GNPAT: variants seen among roughly 807,000 people sequenced by gnomAD.
GNPAT encodes the protein glyceronephosphate O-acyltransferase.
A neutral mutation model predicts 78.4 loss-of-function variants in GNPAT; 30 were observed. The ratio of observed to expected loss-of-function variants is 0.38; its 90% CI spans 0.29 to 0.52. GNPAT has a LOEUF of 0.52. GNPAT is among the 20% of genes least tolerant of loss of function. The pLI is 0.84. For missense variants in GNPAT, 714 were observed against 812.2 expected (o/e 0.88, Z 1.47); for synonymous variants, 271 against 281.1 (o/e 0.96, Z 0.36).
chr1:231,261,198 G>A (rs1685213233), intron 3 of GNPAT, among the ~76,000 whole-genome samples: 1 of 152,164 alleles, frequency 6.6e-6, no homozygotes, highest in South Asian at 2.1e-4. Flanking sequence ...GTCCTGTCTA[G>A]CTAAAGAAAA....
intron 2 of GNPAT, among the ~76,000 whole-genome samples, chr1:231,252,104 C>T (rs988311079): frequency 6.6e-6 from 1 of 152,186 alleles, no homozygotes; most frequent in Non-Finnish European, 1.5e-5. Flanking sequence ...ACACAATCGG[C>T]TAATGTTTTA....
chr1:231,243,310 T>G (rs1176292954), intron 1 of GNPAT, among the ~76,000 whole-genome samples: 1 of 152,126 alleles, frequency 6.6e-6, no homozygotes, highest in African/African-American at 2.4e-5. Context: ...CTGATCTTCC[T>G]TTTTTGTTTT....
chr1:231,246,007 G>T (rs554192823), intron 1 of GNPAT, among the ~76,000 whole-genome samples: 1 of 152,076 alleles, frequency 6.6e-6, no homozygotes, highest in Admixed American at 6.6e-5. Flanking sequence ...GTAAATTTAC[G>T]ATTAAATCCT....
intron 9 of GNPAT, among the ~76,000 whole-genome samples, chr1:231,270,287 G>A (rs900879845): frequency 2.6e-5 from 4 of 152,156 alleles, no homozygotes; most frequent in Non-Finnish European, 4.4e-5. Flanking sequence ...TACCATTTTA[G>A]TATGGGTCTA....
chr1:231,270,929 A>G lies in GNPAT; in HGVS notation c.1451A>G (p.Gln484Arg), dbSNP rs779383706. The change falls in exon 10 of 16, where the codon CAG becomes CGG. Residue 484 changes from glutamine to arginine, a missense_variant. Coordinates refer to ENST00000366647, the MANE Select transcript of GNPAT (RefSeq NM_014236.4). ...CTCATGTGCTCAGCTTATAGGAACC[A>G]GCTGCTCAACATTTTTGTGCGCCCA... ...TLLMCSAYRN[Q>R]LLNIFVRPSL... is the part of the protein sequence containing the mutation. The G allele has an allele frequency of 1.7e-5, 27 of 1,614,022 alleles. No homozygotes were observed. The highest frequency in any genetic ancestry group is 2.3e-5 in the Non-Finnish European group (27 of 1,179,968).
intron 1 of GNPAT, among the ~76,000 whole-genome samples, chr1:231,247,650 AAG>A (rs1242795493): frequency 6.6e-6 from 1 of 152,196 alleles, no homozygotes; most frequent in East Asian, 1.9e-4. Context: ...TTCTTCATAA[AAG>A]AGACTGTCTC....
At chr1:231,270,208 G>A (rs1685518984) in intron 9 of GNPAT, among the ~76,000 whole-genome samples, 1 of 152,204 alleles carries the variant, frequency 6.6e-6, no homozygotes, top group Non-Finnish European at 1.5e-5. Flanking sequence ...CAGGTGATAA[G>A]CTACCAACTG....
Position 231,260,472 on chromosome 1 carries a change from G to C in GNPAT, c.262-35G>C, listed in dbSNP as rs745856097. 4.7e-6 allele frequency: 7 copies of C among 1,476,688 alleles called. No homozygotes were observed. The East Asian group carries it at 1.4e-4, about 29-fold the overall frequency. The allele number at this position is 1,476,688 out of a possible 1,614,324, so 91.5% of individuals were successfully genotyped here. ...GCTTTCTGACTTTTCTGTTATTGTT[G>C]TTAGAAATTATTCCTGCTTTTCCTT... On this transcript the variant is annotated intron_variant, in intron 2 of 15. Coordinates refer to ENST00000366647, the MANE Select transcript of GNPAT (RefSeq NM_014236.4).
chr1:231,275,331 G>A lies in GNPAT; in HGVS notation c.1843+11G>A. On this transcript the variant is annotated intron_variant, in intron 13 of 15. Transcript: ENST00000366647. ...AGCTTCTCGATCAAGGTCAGTCACT[G>A]CTCTGTGGGTGCTGATTTCTTTTAG... is the stretch of plus-strand genomic sequence containing the variant. 6.3e-7 allele frequency: 1 copy of A among 1,593,642 alleles called. No individual in the cohort carries two copies. Among genetic ancestry groups the A allele is most frequent in the Non-Finnish European group, 8.6e-7 (1 of 1,161,214 alleles).
intron 4 of GNPAT, among the ~76,000 whole-genome samples, chr1:231,264,073 A>G (rs1001779645): frequency 3.3e-5 from 5 of 152,138 alleles, no homozygotes; most frequent in African/African-American, 1.2e-4. Flanking sequence ...TATTTGATGC[A>G]TGGAAGTTTT....
At chr1:231,250,329 G>T (rs1684859019) in intron 1 of GNPAT, among the ~76,000 whole-genome samples, 3 of 152,052 alleles carry the variant, frequency 2.0e-5, no homozygotes, top group African/African-American at 4.8e-5. Context: ...TACTCGAGAG[G>T]CTGAGGCAGG....
intron 3 of GNPAT, among the ~76,000 whole-genome samples, chr1:231,261,570 A>G (rs1685226313): frequency 6.6e-6 from 1 of 152,088 alleles, no homozygotes; most frequent in South Asian, 2.1e-4. Context: ...TCTCTGCTGT[A>G]AAGTTATTAT....
intron 15 of GNPAT, among the ~76,000 whole-genome samples, chr1:231,277,176 C>T (rs926440327): frequency 1.3e-5 from 2 of 152,326 alleles, no homozygotes; most frequent in East Asian, 1.9e-4. Flanking sequence ...ACAAACACCT[C>T]GCCCTGTGAG....
At chr1:231,255,586 GCTTT>G (rs1302419631) in intron 2 of GNPAT, among the ~76,000 whole-genome samples, 4 of 152,026 alleles carry the variant, frequency 2.6e-5, no homozygotes, top group Non-Finnish European at 5.9e-5. Context: ...ACCATGCCCA[GCTTT>G]TTTTGTTTTG....
chr1:231,241,412 T>C lies in GNPAT; in HGVS notation c.34T>C (p.Ser12Pro). 6.2e-7 allele frequency: 1 copy of C among 1,613,940 alleles called. No homozygotes were observed. Among genetic ancestry groups the C allele is most frequent in the South Asian group, 1.1e-5 (1 of 91,070 alleles). ...ESSSSSNSYF[S>P]VGPTSPSAVV... ...TTCCAGTTCATCTAACTCTTATTTCTCCGTTGGCCCAACCAGTCCCAGCGC... is the reference window on the plus strand; with the variant it reads ...TTCCAGTTCATCTAACTCTTATTTCCCCGTTGGCCCAACCAGTCCCAGCGC... The change falls in exon 1 of 16, where the codon TCC becomes CCC. Residue 12 changes from serine (S) to proline (P), a missense_variant. Transcript: ENST00000366647.
At position 231,260,656 on chromosome 1, in the gene GNPAT, G is replaced by A. The variant is rs748411484; in HGVS notation, c.411G>A (p.Val137=). The part of the protein sequence containing the change: ...SKVFKQIFSK[V]CVNEEGIQKL... The stretch of plus-strand genomic sequence containing the variant: ...TATTTAAACAAATTTTCTCGAAGGT[G>A]TGTGTAAATGAAGAAGGTATTCAGA... The change falls in exon 3 of 16, where the codon GTG becomes GTA. Residue 137 remains valine (V), a synonymous_variant. Coordinates refer to ENST00000366647, the MANE Select transcript of GNPAT (RefSeq NM_014236.4). 6.2e-7 allele frequency: 1 copy of A among 1,610,690 alleles called. No homozygotes were observed. The highest frequency in any genetic ancestry group is 1.7e-5 in the Admixed American group (1 of 59,984).
intron 2 of GNPAT, among the ~76,000 whole-genome samples, chr1:231,257,041 T>TATG (rs1281397758): frequency 7.2e-5 from 11 of 152,318 alleles, no homozygotes; most frequent in African/African-American, 1.7e-4. Context: ...TATATTAGGT[T>TATG]TCTATGAAGG....
At chr1:231,257,644 C>A (rs1685102996) in intron 2 of GNPAT, among the ~76,000 whole-genome samples, 1 of 152,210 alleles carries the variant, frequency 6.6e-6, no homozygotes, top group Admixed American at 6.5e-5. Context: ...TCTTACCTCC[C>A]TGCTGCTGTC....
rs1331186945 is a variant in GNPAT at position 231,273,952 on chromosome 1, A to G, written c.1633A>G (p.Lys545Glu). 6.2e-7 allele frequency: 1 copy of G among 1,613,090 alleles called. No individual in the cohort carries two copies. The highest frequency in any genetic ancestry group is 8.5e-7 in the Non-Finnish European group (1 of 1,179,040). The part of the protein sequence containing the change: ...DFEEGCYLLC[K>E]SEAIQVTTKD... ...TGAAGAAGGCTGTTACCTGCTTTGT[A>G]AAAGTGAAGCCATACAAGTGACTAC... The change falls in exon 12 of 16, where the codon AAA (lysine) becomes GAA (glutamate). Residue 545 changes from lysine to glutamate, a missense_variant. Transcript: ENST00000366647.
Sources: gnomAD v4.1 joint callset for allele counts (sites outside exome capture counted in the v4.1 genomes callset) on GRCh38, gnomAD v4.1.1 for gene constraint, MANE v1.5 for transcripts, NCBI Gene and HGNC (gene_info 2026-07-23, HGNC 2026-07-21) for gene names.